The following RBMS3 variants were observed in gnomAD, a reference collection of about 807,000 sequenced individuals.
The protein encoded by RBMS3 is RNA binding motif single stranded interacting protein 3.
RBMS3 carries 27 observed loss-of-function variants against 66.8 expected under a neutral mutation model. The ratio of observed to expected loss-of-function variants is 0.40; its 90% CI spans 0.30 to 0.56. RBMS3 has a LOEUF of 0.56. Among genes scored for constraint, RBMS3 ranks in the 20% least tolerant of loss-of-function variants. The probability of loss-of-function intolerance (pLI) is 0.40; values close to 1 mark genes in which losing one functional copy is unlikely to be tolerated. For missense variants in RBMS3, 513 were observed against 549.5 expected, an observed-to-expected ratio of 0.93 and a Z score of 0.66; for synonymous variants, 188 against 183.0, an observed-to-expected ratio of 1.03 and a Z score of -0.22.
intron 6 of RBMS3, among the ~76,000 whole-genome samples, chr3:29,818,016 A>G (rs2149469979): frequency 6.6e-6 from 1 of 152,294 alleles, no homozygotes; most frequent in African/African-American, 2.4e-5. Flanking sequence ...CCTTAACACT[A>G]TGTTCAATGT....
chr3:29,518,680 T>G (rs2044736068), intron 3 of RBMS3, among the ~76,000 whole-genome samples: 1 of 152,248 alleles, frequency 6.6e-6, no homozygotes, highest in South Asian at 2.1e-4. Context: ...TTATTCATTT[T>G]TTAAATTTGG....
At chr3:29,418,224 A>T (rs2040559950) in intron 1 of RBMS3, among the ~76,000 whole-genome samples, 2 of 152,280 alleles carry the variant, frequency 1.3e-5, no homozygotes, top group South Asian at 4.1e-4. Flanking sequence ...ACACTAGGTC[A>T]TGCCATTCTC....
chr3:29,934,093 T>A (rs1005655323), intron 10 of RBMS3: 19 of 152,188 alleles, frequency 1.2e-4, no homozygotes, highest in Middle Eastern at 3.4e-3. Flanking sequence ...CAAACGCAGT[T>A]TGGTTTTTAT....
At chr3:29,352,943 T>A (rs2037004769) in intron 1 of RBMS3, among the ~76,000 whole-genome samples, 1 of 151,926 alleles carries the variant, frequency 6.6e-6, no homozygotes, top group Admixed American at 6.6e-5. Context: ...TTTTTATGGC[T>A]GTACAGTATT....
chr3:29,463,742 A>T (rs1357752311), intron 2 of RBMS3, among the ~76,000 whole-genome samples: 1 of 152,070 alleles, frequency 6.6e-6, no homozygotes, highest in Non-Finnish European at 1.5e-5. Flanking sequence ...TGGAGTGGAC[A>T]TCCTCATTAC....
intron 2 of RBMS3, among the ~76,000 whole-genome samples, chr3:29,447,157 C>T (rs890312466): frequency 5.9e-5 from 9 of 151,998 alleles, no homozygotes; most frequent in Admixed American, 5.2e-4. Flanking sequence ...AGGTAATCTG[C>T]CCACCTCAGC....
intron 4 of RBMS3, among the ~76,000 whole-genome samples, chr3:29,654,090 G>A (rs1439475136): frequency 6.6e-6 from 1 of 152,126 alleles, no homozygotes; most frequent in Admixed American, 6.5e-5. Flanking sequence ...TCAATTTGAA[G>A]GTACTATTTA....
chr3:29,857,043 C>A (rs2059093786), intron 6 of RBMS3, among the ~76,000 whole-genome samples: 1 of 152,174 alleles, frequency 6.6e-6, no homozygotes, highest in African/African-American at 2.4e-5. Context: ...CTTTTACCTA[C>A]TGAAAGCAAG....
intron 4 of RBMS3, among the ~76,000 whole-genome samples, chr3:29,703,489 G>T (rs1192284849): frequency 6.6e-6 from 1 of 152,138 alleles, no homozygotes; most frequent in African/African-American, 2.4e-5. Context: ...TATTACGGTT[G>T]GGAACTTTCT....
At chr3:29,601,854 G>A (rs1324915528) in intron 4 of RBMS3, among the ~76,000 whole-genome samples, 2 of 152,034 alleles carry the variant, frequency 1.3e-5, no homozygotes, top group African/African-American at 4.8e-5. Flanking sequence ...AAACAGAAGA[G>A]GAGACAGTGG....
At chr3:29,789,171 T>C (rs1237943951) in intron 6 of RBMS3, among the ~76,000 whole-genome samples, 3 of 152,110 alleles carry the variant, frequency 2.0e-5, no homozygotes, top group Non-Finnish European at 4.4e-5. Flanking sequence ...ATGTATTTTT[T>C]TTGCCATTTA....
At chr3:29,505,204 T>C (rs937137948) in intron 3 of RBMS3, among the ~76,000 whole-genome samples, 2 of 152,158 alleles carry the variant, frequency 1.3e-5, no homozygotes, top group Admixed American at 1.3e-4. Context: ...TATATTTACA[T>C]TTTTAATCCC....
chr3:29,439,306 T>C (rs1015023588), intron 2 of RBMS3, among the ~76,000 whole-genome samples: 1 of 152,146 alleles, frequency 6.6e-6, no homozygotes, highest in African/African-American at 2.4e-5. Context: ...TTCAAATAGG[T>C]AACTCCAGCT....
intron 6 of RBMS3, among the ~76,000 whole-genome samples, chr3:29,866,426 A>G (rs2059365332): frequency 6.6e-6 from 1 of 152,224 alleles, no homozygotes; most frequent in Non-Finnish European, 1.5e-5. Flanking sequence ...AAGAAATTGG[A>G]ACCAGTTTCT....
intron 10 of RBMS3, among the ~76,000 whole-genome samples, chr3:29,907,154 T>C (rs2060401039): frequency 6.6e-6 from 1 of 152,156 alleles, no homozygotes; most frequent in Non-Finnish European, 1.5e-5. Context: ...TGTATCCCAC[T>C]CTTGCAAAAT....
chr3:29,353,049 T>A (rs1443080944), intron 1 of RBMS3, among the ~76,000 whole-genome samples: 1 of 151,976 alleles, frequency 6.6e-6, no homozygotes, highest in Non-Finnish European at 1.5e-5. Flanking sequence ...ATTTTATATA[T>A]TGCTTTCTTA....
chr3:29,344,940 T>C (rs1436985216), intron 1 of RBMS3, among the ~76,000 whole-genome samples: 1 of 152,170 alleles, frequency 6.6e-6, no homozygotes, highest in Non-Finnish European at 1.5e-5. Flanking sequence ...GACCTACAGA[T>C]TTCTCTGTAG....
chr3:29,906,691 A>G (rs2060387150), intron 10 of RBMS3, among the ~76,000 whole-genome samples: 1 of 152,152 alleles, frequency 6.6e-6, no homozygotes, highest in African/African-American at 2.4e-5. Flanking sequence ...TTTAGAATAT[A>G]TACATAAGTT....
intron 2 of RBMS3, among the ~76,000 whole-genome samples, chr3:29,435,671 G>A (rs1354253154): frequency 6.6e-6 from 1 of 152,152 alleles, no homozygotes; most frequent in East Asian, 1.9e-4. Context: ...GGGCACAGTG[G>A]CTCACGCCTG....
Sources: gnomAD v4.1 joint callset for allele counts (sites outside exome capture counted in the v4.1 genomes callset) on GRCh38, gnomAD v4.1.1 for gene constraint, MANE v1.5 for transcripts, NCBI Gene and HGNC (gene_info 2026-07-23, HGNC 2026-07-21) for gene names.